Variants in RAP1GAP2 observed in about 807,000 individuals in gnomAD.
RAP1GAP2 encodes rap1 GTPase-activating protein 2.
In RAP1GAP2, 27 loss-of-function variants were observed where a neutral mutation model predicts 95.0. That is an observed-to-expected ratio of 0.28 (90% CI 0.21 to 0.39). The LOEUF is 0.39. Among genes scored for constraint, RAP1GAP2 ranks in the 10% least tolerant of loss-of-function variants. The pLI, the probability that RAP1GAP2 is intolerant of heterozygous loss-of-function variation, is 1.00. For synonymous variants in RAP1GAP2, 373 were observed against 380.9 expected (o/e 0.98, Z 0.24); for missense variants, 771 against 970.0 (o/e 0.79, Z 2.72).
At chr17:3,030,783 C>T (rs568041191) in intron 22 of RAP1GAP2, 139 bp from the exon 23 acceptor site, 57 of 730,232 alleles carry the variant, frequency 7.8e-5, no homozygotes, top group Admixed American at 6.0e-4. Context: ...TCTCGTGGGT[C>T]GGCACAGGTC....
chr17:2,938,831 A>T (rs1444363265), intron 3 of RAP1GAP2, among the ~76,000 whole-genome samples: 1 of 151,944 alleles, frequency 6.6e-6, no homozygotes, highest in Non-Finnish European at 1.5e-5. Context: ...TACTAAAAAT[A>T]CGAAAATTAG....
intron 2 of RAP1GAP2, among the ~76,000 whole-genome samples, chr17:2,842,975 C>T (rs530003031): frequency 1.1e-4 from 16 of 152,204 alleles, no homozygotes; most frequent in Middle Eastern, 3.4e-3. Context: ...TGAGGGCTAG[C>T]GTAGAGCAGA....
At chr17:2,889,889 A>ATATATATTTTTTTTTTTT (rs1408426152) in intron 2 of RAP1GAP2, among the ~76,000 whole-genome samples, 1 of 57,324 alleles carries the variant, frequency 1.7e-5, no homozygotes, top group Non-Finnish European at 3.1e-5. Flanking sequence ...ATATATATAT[A>ATATATATTTTTTTTTTTT]TTTTTTTTTT....
intron 2 of RAP1GAP2, among the ~76,000 whole-genome samples, chr17:2,883,151 A>T (rs2073367667): frequency 6.6e-6 from 1 of 152,324 alleles, no homozygotes; most frequent in South Asian, 2.1e-4. Flanking sequence ...CACAGCCCCC[A>T]GGAGACCACG....
At position 2,943,205 on chromosome 17, in the gene RAP1GAP2, A is replaced by G. The variant is rs2043570489; in HGVS notation, c.166-14554A>G. On this transcript the variant is annotated intron_variant, in intron 3 of 24. Transcript: ENST00000254695. The stretch of plus-strand genomic sequence containing the variant: ...GATTTACCCATCCTAGATATTTTAT[A>G]GAGATTGAATTATTAGGCTTCTGCA... Among the ~76,000 whole-genome samples the G allele has an allele frequency of 2.0e-5, 3 of 152,134 alleles. No individual in the cohort carries two copies. The South Asian group carries it at 6.2e-4, about 32-fold the overall frequency.
rs2045519038 is a variant in RAP1GAP2 at position 2,985,395 on chromosome 17, T to C, written c.813+329T>C. On this transcript the variant is annotated intron_variant, in intron 11 of 24. Coordinates refer to ENST00000254695, the MANE Select transcript of RAP1GAP2 (RefSeq NM_015085.5). ...ACTAGGTCAAGGGAATGGAGGAGCA[T>C]AGGCTGCTCTCTCCTTGCCCAAATT... is the stretch of plus-strand genomic sequence containing the variant. 2.0e-5 allele frequency among the ~76,000 whole-genome samples: 3 copies of C among 152,092 alleles called. No individual in the cohort carries two copies. The South Asian group carries it at 6.2e-4, about 32-fold the overall frequency.
intron 2 of RAP1GAP2, among the ~76,000 whole-genome samples, chr17:2,859,443 T>G (rs1479114263): frequency 6.6e-6 from 1 of 151,854 alleles, no homozygotes; most frequent in Admixed American, 6.6e-5. Flanking sequence ...AATTTTAATT[T>G]AATTTTTTTG....
chr17:2,921,449 C>T (rs533061211), intron 3 of RAP1GAP2, among the ~76,000 whole-genome samples: 12 of 152,222 alleles, frequency 7.9e-5, no homozygotes, highest in African/African-American at 1.7e-4. Flanking sequence ...GTGATCCACC[C>T]GCCTCAGCCC....
At chr17:2,788,454 C>G (rs1185810135) in intron 1 of RAP1GAP2, among the ~76,000 whole-genome samples, 2 of 152,108 alleles carry the variant, frequency 1.3e-5, no homozygotes, top group African/African-American at 4.8e-5. Flanking sequence ...CGCCACCATG[C>G]CCAGATTTTT....
intron 2 of RAP1GAP2, among the ~76,000 whole-genome samples, chr17:2,891,366 C>T (rs1165324811): frequency 2.0e-5 from 3 of 152,026 alleles, no homozygotes; most frequent in African/African-American, 7.2e-5. Flanking sequence ...GTCTCAAACT[C>T]CTGAGCTCAA....
rs150143991 is a variant in RAP1GAP2 at position 2,965,821 on chromosome 17, G to A, written c.596+178G>A. 9.5e-3 allele frequency: 5,701 copies of A among 598,078 alleles called. 35 individuals carry two copies. Among genetic ancestry groups the A allele is most frequent in the Non-Finnish European group, 0.014 (4,773 of 336,736 alleles). 37.0% of individuals were successfully genotyped at this position (598,078 alleles called of 1,614,324 possible). A position where few individuals can be genotyped will look rare whatever the true frequency, so the allele number is the denominator to read the frequency against. On this transcript the variant is annotated intron_variant, in intron 8 of 24. Transcript: ENST00000254695. The surrounding 1 kb of genome is among the most constrained non-coding windows in gnomAD (Gnocchi z 4.7). ...TGTGTCTGAAGTTGCCTAGCAGGGAGACCCACGCGCTCCACCAGTTAGCTG... is the reference window on the plus strand; with the variant it reads ...TGTGTCTGAAGTTGCCTAGCAGGGAAACCCACGCGCTCCACCAGTTAGCTG...
intron 3 of RAP1GAP2, among the ~76,000 whole-genome samples, chr17:2,928,218 G>A (rs908225147): frequency 2.6e-5 from 4 of 152,182 alleles, no homozygotes; most frequent in Non-Finnish European, 2.9e-5. Flanking sequence ...ACACATCGCC[G>A]CCTTCCTCCT....
chr17:2,964,144 G>T, intron 7 of RAP1GAP2, 76 bp downstream of exon 7: 1 of 1,367,922 alleles, frequency 7.3e-7, no homozygotes, highest in Non-Finnish European at 1.0e-6. Context: ...GGTACCAGGC[G>T]GTAGGGGATG....
chr17:2,929,154 G>T (rs546473466), intron 3 of RAP1GAP2, among the ~76,000 whole-genome samples: 2 of 152,308 alleles, frequency 1.3e-5, no homozygotes, highest in Admixed American at 1.3e-4. Context: ...GATCCCTGGA[G>T]CCCAGGCATT....
chr17:3,019,242 C>T (rs1226524417), intron 18 of RAP1GAP2, among the ~76,000 whole-genome samples: 2 of 152,006 alleles, frequency 1.3e-5, no homozygotes, highest in East Asian at 1.9e-4. Context: ...TGTAGTTGGG[C>T]CTTTCATAAA....
rs372240462 is a variant in RAP1GAP2 at position 2,882,194 on chromosome 17, T to G, written c.81-23090T>G. ...CAGGCTAGAGTGCAGTGGTGCGTTC[T>G]TGGCTCACTGCAGCCTCCACCTCCT... On this transcript the variant is annotated intron_variant, in intron 2 of 24. Coordinates refer to ENST00000254695, the MANE Select transcript of RAP1GAP2 (RefSeq NM_015085.5). Among the ~76,000 whole-genome samples, 1,003 of 151,216 alleles carry G rather than the reference T, an allele frequency of 6.6e-3. 8 individuals are homozygous for G. Among genetic ancestry groups the G allele is most frequent in the South Asian group, 0.012 (57 of 4,770 alleles).
intron 2 of RAP1GAP2, among the ~76,000 whole-genome samples, chr17:2,801,888 A>G (rs891627465): frequency 6.6e-6 from 1 of 151,938 alleles, no homozygotes; most frequent in Non-Finnish European, 1.5e-5. Flanking sequence ...TGGCCAAACC[A>G]TTTTGTCTGC....
chr17:2,874,568 G>C (rs1248646822), intron 2 of RAP1GAP2, among the ~76,000 whole-genome samples: 1 of 152,198 alleles, frequency 6.6e-6, no homozygotes. Context: ...AAAGGAGAAA[G>C]AGGTGGAAAA....
intron 8 of RAP1GAP2, among the ~76,000 whole-genome samples, chr17:2,968,860 A>C (rs370945855): frequency 1.3e-5 from 2 of 152,238 alleles, no homozygotes; most frequent in African/African-American, 2.4e-5. Flanking sequence ...TCAAATACAA[A>C]AAGAAAGCGG....
Sources: allele counts gnomAD v4.1 joint callset (sites outside exome capture counted in the v4.1 genomes callset), GRCh38; gene constraint gnomAD v4.1.1; non-coding constraint Gnocchi (gnomAD v3.1); transcripts MANE v1.5; gene names NCBI Gene and HGNC (gene_info 2026-07-23, HGNC 2026-07-21).